The following CECR2 variants were observed in gnomAD, a reference collection of about 807,000 sequenced individuals.
The protein encoded by CECR2 is CECR2 histone acetyl-lysine reader.
CECR2 carries 30 observed loss-of-function variants against 154.5 expected under a neutral mutation model. The ratio of observed to expected loss-of-function variants is 0.19; its 90% CI spans 0.15 to 0.26. The LOEUF is 0.26. Among genes scored for constraint, CECR2 ranks in the 10% least tolerant of loss-of-function variants. The pLI, the probability that CECR2 is intolerant of heterozygous loss-of-function variation, is 1.00. For synonymous variants in CECR2, 725 were observed against 683.7 expected, an observed-to-expected ratio of 1.06 and a Z score of -0.94; for missense variants, 1,743 against 1,829.3, an observed-to-expected ratio of 0.95 and a Z score of 0.86.
At chr22:17,453,780 G>T (rs1229506462) in intron 1 of CECR2, among the ~76,000 whole-genome samples, 1 of 152,138 alleles carries the variant, frequency 6.6e-6, no homozygotes, top group Non-Finnish European at 1.5e-5. Context: ...ATGAGTGAAG[G>T]TCATGTAAGA....
intron 6 of CECR2, among the ~76,000 whole-genome samples, chr22:17,504,346 G>A (rs1310629460): frequency 6.6e-6 from 1 of 151,980 alleles, no homozygotes; most frequent in African/African-American, 2.4e-5. Context: ...CTGCACTCCA[G>A]CCTGGACAAT....
In CECR2 at chr22:17,388,647, G is replaced by A. The variant is rs16982360; in HGVS notation, c.126+18738G>A. On this transcript the variant is annotated intron_variant, in intron 1 of 18. Coordinates refer to ENST00000262608, the MANE Select transcript of CECR2 (RefSeq NM_001290047.2). ...GAAAGGAATCTTTTACGCAATTTACGGAGAACACTGAGTCAGGAGACATTT... is the reference window on the plus strand; with the variant it reads ...GAAAGGAATCTTTTACGCAATTTACAGAGAACACTGAGTCAGGAGACATTT... 7.0e-3 allele frequency among the ~76,000 whole-genome samples: 1,070 copies of A among 152,124 alleles called. 11 individuals carry two copies. Among genetic ancestry groups the A allele is most frequent in the African/African-American group, 0.025 (1,024 of 41,520 alleles).
chr22:17,393,093 T>C (rs1253050964), intron 1 of CECR2, among the ~76,000 whole-genome samples: 1 of 152,190 alleles, frequency 6.6e-6, no homozygotes, highest in Non-Finnish European at 1.5e-5. Flanking sequence ...TAGTTACAAC[T>C]GTTGCCACCG....
In CECR2 at chr22:17,414,187, T is replaced by C. The variant is rs183713729; in HGVS notation, c.126+44278T>C. On this transcript the variant is annotated intron_variant, in intron 1 of 18. Transcript: ENST00000262608. ...TGGGATTTCACTGTGTTAGCCAGGA[T>C]GGTCTCGATCGCCTGACCTCGTGAT... Among the ~76,000 whole-genome samples, 46 of 151,970 alleles carry C rather than the reference T, an allele frequency of 3.0e-4. No homozygotes were observed. The East Asian group carries it at 8.9e-3, about 29-fold the overall frequency.
chr22:17,385,861 G>T lies in CECR2; in HGVS notation c.126+15952G>T, dbSNP rs116623838. On this transcript the variant is annotated intron_variant, in intron 1 of 18. Transcript: ENST00000262608. ...GAACCGCTGATGGTAGTGGTAACAG[G>T]AAAGGACATTTCTCACTGGTGCTAT... Among the ~76,000 whole-genome samples the T allele has an allele frequency of 8.0e-3, 1,221 of 152,346 alleles. 16 individuals carry two copies. Among genetic ancestry groups the T allele is most frequent in the African/African-American group, 0.027 (1,124 of 41,582 alleles).
chr22:17,395,315 T>C (rs1452257836), intron 1 of CECR2, among the ~76,000 whole-genome samples: 1 of 151,486 alleles, frequency 6.6e-6, no homozygotes, highest in Non-Finnish European at 1.5e-5. Flanking sequence ...GGTGTGAGCC[T>C]CCGCACCCGG....
chr22:17,527,457 C>CA (rs1179944110), intron 9 of CECR2, among the ~76,000 whole-genome samples: 1 of 151,228 alleles, frequency 6.6e-6, no homozygotes, highest in Non-Finnish European at 1.5e-5. Flanking sequence ...GACCCTGTCT[C>CA]AAAAAAATAA....
In CECR2 at chr22:17,541,928, C is replaced by T. The variant is rs375744041; in HGVS notation, c.1974C>T (p.Pro658=). The T allele has an allele frequency of 1.7e-5, 27 of 1,613,926 alleles. No individual in the cohort carries two copies. Among genetic ancestry groups the T allele is most frequent in the East Asian group, 4.5e-5 (2 of 44,876 alleles). The change falls in exon 15 of 19, where the codon CCC becomes CCT. Residue 658 remains proline (P), a synonymous_variant. Transcript: ENST00000262608. The stretch of plus-strand genomic sequence containing the variant: ...CCTCTGGAGTCCCGGAGCCACACCC[C>T]GGGGAGCCTGTGCAGCAGCGTCAGC... The part of the protein sequence containing the change: ...YGSSGVPEPH[P]GEPVQQRQPF...
At chr22:17,398,880 G>T (rs2053851673) in intron 1 of CECR2, among the ~76,000 whole-genome samples, 1 of 152,202 alleles carries the variant, frequency 6.6e-6, no homozygotes, top group South Asian at 2.1e-4. Context: ...GGGAGGCTTA[G>T]TATAGACTTG....
chr22:17,379,286 G>A (rs769416502), intron 1 of CECR2, among the ~76,000 whole-genome samples: 4 of 152,096 alleles, frequency 2.6e-5, no homozygotes, highest in African/African-American at 9.7e-5. Context: ...TTCCTAGAAC[G>A]TCATTTAAGG....
chr22:17,546,501 A>G (rs957938943), intron 16 of CECR2, among the ~76,000 whole-genome samples: 3 of 151,868 alleles, frequency 2.0e-5, no homozygotes, highest in African/African-American at 4.8e-5. Context: ...AAAAAAAAAA[A>G]AAAAAATCCT....
intron 8 of CECR2, among the ~76,000 whole-genome samples, chr22:17,515,426 A>G (rs1020551345): frequency 1.3e-5 from 2 of 152,252 alleles, no homozygotes; most frequent in Non-Finnish European, 2.9e-5. Flanking sequence ...AGAAAACTGT[A>G]AAAGACCTGG....
At chr22:17,440,226 G>T (rs78544733) in intron 1 of CECR2, among the ~76,000 whole-genome samples, 1 of 151,984 alleles carries the variant, frequency 6.6e-6, no homozygotes, top group Admixed American at 6.6e-5. Flanking sequence ...TGTGTGTTGT[G>T]GGGGGTATCT....
intron 1 of CECR2, among the ~76,000 whole-genome samples, chr22:17,393,271 T>A (rs2053758167): frequency 6.6e-6 from 1 of 152,204 alleles, no homozygotes; most frequent in South Asian, 2.1e-4. Flanking sequence ...AATCATGTAG[T>A]ATGTGCCCCT....
At chr22:17,431,016 C>G (rs1377824616) in intron 1 of CECR2, among the ~76,000 whole-genome samples, 1 of 152,100 alleles carries the variant, frequency 6.6e-6, no homozygotes, top group African/African-American at 2.4e-5. Flanking sequence ...GTCGAGTGCT[C>G]ACAACTTAAA....
intron 8 of CECR2, among the ~76,000 whole-genome samples, chr22:17,520,663 G>T (rs1037900171): frequency 3.9e-5 from 6 of 152,082 alleles, no homozygotes; most frequent in African/African-American, 1.4e-4. Context: ...CTATGAGTGA[G>T]AACATGCGGT....
At chr22:17,367,795 C>G (rs2146425832), upstream of CECR2, among the ~76,000 whole-genome samples, 1 of 152,328 alleles carries the variant, frequency 6.6e-6, no homozygotes, top group East Asian at 1.9e-4. Flanking sequence ...TCCGGGGTGG[C>G]CTGTGTCCCT....
At chr22:17,366,862 T>G (rs1303282660), upstream of CECR2, among the ~76,000 whole-genome samples, 1 of 152,122 alleles carries the variant, frequency 6.6e-6, no homozygotes, top group Non-Finnish European at 1.5e-5. Flanking sequence ...CCTCAGCTCC[T>G]GGGGCCAGGA....
In CECR2 at chr22:17,548,853, C is replaced by T. The variant is rs374388183; in HGVS notation, c.3566C>T (p.Pro1189Leu). The T allele has an allele frequency of 2.2e-5, 35 of 1,613,496 alleles. No individual in the cohort carries two copies. The highest frequency in any genetic ancestry group is 1.6e-4 in the Middle Eastern group (1 of 6,062). Residue 1189 changes from proline to leucine, a missense_variant, in exon 17 of 19, where the codon CCG (proline) becomes CTG (leucine). Coordinates refer to ENST00000262608, the MANE Select transcript of CECR2 (RefSeq NM_001290047.2). ...PQGMRYSYHP[P>L]PQPSYHHYQR... ...GGAATGAGGTATTCCTACCACCCAC[C>T]GCCACAGCCTTCCTACCACCACTAT...
Sources: allele counts gnomAD v4.1 joint callset (sites outside exome capture counted in the v4.1 genomes callset), GRCh38; gene constraint gnomAD v4.1.1; transcripts MANE v1.5; gene names NCBI Gene and HGNC (gene_info 2026-07-23, HGNC 2026-07-21).